Variants in KHDRBS3 observed in about 807,000 individuals in gnomAD.
KHDRBS3 encodes KH domain-containing, RNA-binding, signal transduction-associated protein 3.
A neutral mutation model predicts 45.6 loss-of-function variants in KHDRBS3; 23 were observed. That is an observed-to-expected ratio of 0.50 (90% CI 0.36 to 0.72). The LOEUF is 0.72. KHDRBS3 is among the 30% of genes least tolerant of loss of function. KHDRBS3 has a pLI of 0.00. For missense variants in KHDRBS3, 352 were observed against 424.8 expected (o/e 0.83, Z 1.51); for synonymous variants, 162 against 156.5 (o/e 1.04, Z -0.26).
chr8:135,557,565 G>T lies in KHDRBS3; in HGVS notation c.589G>T (p.Val197Leu). The T allele has an allele frequency of 6.2e-7, 1 of 1,613,002 alleles. No individual in the cohort carries two copies. The part of the protein sequence containing the change: ...RGKPTLRTRG[V>L]PAPAITRGRG... ...GAAACCCACCTTGCGTACAAGAGGT[G>T]TACCAGCCCCAGCAATAACCAGGTA... Residue 197 changes from valine (V) to leucine (L), a missense_variant, in exon 5 of 9, where the codon GTA (valine) becomes TTA (leucine). By Grantham distance (32) the Val-to-Leu change is conservative. Coordinates refer to ENST00000355849, the MANE Select transcript of KHDRBS3 (RefSeq NM_006558.3).
At chr8:135,493,934 C>T (rs1017736358) in intron 1 of KHDRBS3, among the ~76,000 whole-genome samples, 8 of 152,166 alleles carry the variant, frequency 5.3e-5, no homozygotes, top group African/African-American at 1.4e-4. Context: ...TTTAGTTTCT[C>T]GTATATAGAA....
intron 2 of KHDRBS3, among the ~76,000 whole-genome samples, chr8:135,522,342 C>A (rs1188008513): frequency 6.6e-6 from 1 of 152,102 alleles, no homozygotes; most frequent in Non-Finnish European, 1.5e-5. Flanking sequence ...CTTTATCCAG[C>A]CTGTCATTGA....
At chr8:135,469,347 C>G (rs960146530) in intron 1 of KHDRBS3, among the ~76,000 whole-genome samples, 2 of 152,058 alleles carry the variant, frequency 1.3e-5, no homozygotes, top group African/African-American at 2.4e-5. Flanking sequence ...TGCAGTGGCG[C>G]GATCTCGGCT....
At chr8:135,625,401 C>T in intron 7 of KHDRBS3, 1 of 790,886 alleles carries the variant, frequency 1.3e-6, no homozygotes, top group Non-Finnish European at 2.2e-6. Flanking sequence ...GCTGCATCAA[C>T]TCAGCTGCCT....
chr8:135,460,100 T>G (rs1024584004), intron 1 of KHDRBS3, among the ~76,000 whole-genome samples: 1 of 152,258 alleles, frequency 6.6e-6, no homozygotes, highest in Non-Finnish European at 1.5e-5. Context: ...TACAAGTGTT[T>G]TAAATCTGAA....
intron 5 of KHDRBS3, among the ~76,000 whole-genome samples, chr8:135,561,596 C>T (rs998184642): frequency 1.4e-4 from 21 of 151,650 alleles, no homozygotes; most frequent in Non-Finnish European, 1.8e-4. Context: ...TTCATTCTAG[C>T]ACTTTTATTG....
intron 1 of KHDRBS3, among the ~76,000 whole-genome samples, chr8:135,469,661 T>C (rs1821909500): frequency 6.6e-6 from 1 of 152,100 alleles, no homozygotes. Flanking sequence ...CCCCAGTAGC[T>C]GGGATTACAG....
intron 7 of KHDRBS3, among the ~76,000 whole-genome samples, chr8:135,639,460 G>A (rs1830965843): frequency 6.6e-6 from 1 of 152,184 alleles, no homozygotes; most frequent in African/African-American, 2.4e-5. Context: ...ATGCTGTTGG[G>A]AGATTGAAAG....
At chr8:135,556,834 T>G (rs1321385717) in intron 4 of KHDRBS3, among the ~76,000 whole-genome samples, 1 of 152,194 alleles carries the variant, frequency 6.6e-6, no homozygotes, top group Non-Finnish European at 1.5e-5. Context: ...GTTTCGTAGT[T>G]GAATATTTTG....
chr8:135,604,012 A>G (rs1829337938), intron 6 of KHDRBS3, among the ~76,000 whole-genome samples: 1 of 151,966 alleles, frequency 6.6e-6, no homozygotes, highest in African/African-American at 2.4e-5. Flanking sequence ...TTGATGAAGT[A>G]CCCAACTATT....
At chr8:135,530,519 A>G (rs1035481522) in intron 2 of KHDRBS3, among the ~76,000 whole-genome samples, 1 of 152,252 alleles carries the variant, frequency 6.6e-6, no homozygotes, top group African/African-American at 2.4e-5. Flanking sequence ...GAAAGAAGTC[A>G]GGCTTATGAG....
At chr8:135,654,649 C>A (rs1347228025) in intron 4 of KHDRBS3, among the ~76,000 whole-genome samples, 3 of 152,178 alleles carry the variant, frequency 2.0e-5, no homozygotes, top group Non-Finnish European at 4.4e-5. Flanking sequence ...GAAAGTCCTG[C>A]GACCCTTCCT....
chr8:135,459,965 TTG>T (rs1485751984), intron 1 of KHDRBS3, among the ~76,000 whole-genome samples: 1 of 152,238 alleles, frequency 6.6e-6, no homozygotes, highest in Admixed American at 6.5e-5. Context: ...GCTCAGAATC[TTG>T]TCTTACTGTT....
At chr8:135,625,311 A>G (rs1287815485) in intron 7 of KHDRBS3, 2 of 1,170,120 alleles carry the variant, frequency 1.7e-6, no homozygotes, top group Non-Finnish European at 2.6e-6. Context: ...TCTCCTGGCA[A>G]TTCAATGTTC....
intron 1 of KHDRBS3, among the ~76,000 whole-genome samples, chr8:135,495,547 C>T (rs1351600161): frequency 6.6e-6 from 1 of 152,226 alleles, no homozygotes; most frequent in African/African-American, 2.4e-5. Flanking sequence ...ATATTTTCTT[C>T]TTCCAGAATT....
chr8:135,583,697 G>A (rs1169632867), intron 6 of KHDRBS3, among the ~76,000 whole-genome samples: 3 of 152,044 alleles, frequency 2.0e-5, no homozygotes, highest in Non-Finnish European at 2.9e-5. Flanking sequence ...AAGAACTATT[G>A]CCTTCATTAC....
chr8:135,480,811 A>G (rs1822525367), intron 1 of KHDRBS3, among the ~76,000 whole-genome samples: 1 of 152,178 alleles, frequency 6.6e-6, no homozygotes, highest in Non-Finnish European at 1.5e-5. Flanking sequence ...AGTTGTGAAT[A>G]CTGTTTTTCA....
At chr8:135,482,071 G>T (rs1035934953) in intron 1 of KHDRBS3, among the ~76,000 whole-genome samples, 1 of 152,302 alleles carries the variant, frequency 6.6e-6, no homozygotes, top group South Asian at 2.1e-4. Context: ...TCAGCATAAT[G>T]ATCTAAACAG....
chr8:135,542,459 A>G, intron 2 of KHDRBS3, 195 bp from the exon 3 acceptor site: 1 of 512,434 alleles, frequency 2.0e-6, no homozygotes, highest in Middle Eastern at 5.1e-4. Flanking sequence ...GAAATATATC[A>G]GGGTTTTTTA....
Sources: gnomAD v4.1 joint callset for allele counts (sites outside exome capture counted in the v4.1 genomes callset) on GRCh38, gnomAD v4.1.1 for gene constraint, MANE v1.5 for transcripts, NCBI Gene and HGNC (gene_info 2026-07-23, HGNC 2026-07-21) for gene names.